The following PLCH1 variants were observed in gnomAD, a reference collection of about 807,000 sequenced individuals.
The protein encoded by PLCH1 is 1-phosphatidylinositol 4,5-bisphosphate phosphodiesterase eta-1.
A neutral mutation model predicts 126.7 loss-of-function variants in PLCH1; 60 were observed. The observed-to-expected ratio is 0.47, with a 90% confidence interval of 0.38 to 0.59. The LOEUF (loss-of-function observed/expected upper bound fraction) is 0.59, where lower values mean the gene tolerates loss of function less well. PLCH1 is among the 20% of genes least tolerant of loss of function. PLCH1 has a pLI of 0.00. For missense variants in PLCH1, 1,723 were observed against 2,040.0 expected (o/e 0.84, Z 2.99); for synonymous variants, 719 against 734.9 (o/e 0.98, Z 0.35).
intron 21 of PLCH1, among the ~76,000 whole-genome samples, chr3:155,464,747 A>G (rs1271369273): frequency 6.6e-6 from 1 of 152,182 alleles, no homozygotes; most frequent in African/African-American, 2.4e-5. Context: ...TTATTAGGCA[A>G]TCTCCAAATG....
intron 2 of PLCH1, among the ~76,000 whole-genome samples, chr3:155,647,667 C>T (rs1376410323): frequency 6.6e-6 from 1 of 151,932 alleles, no homozygotes; most frequent in East Asian, 1.9e-4. Flanking sequence ...TGTCCTTCAC[C>T]CTCACTCTAA....
intron 2 of PLCH1, among the ~76,000 whole-genome samples, chr3:155,639,322 G>T (rs1164707135): frequency 1.3e-5 from 2 of 152,122 alleles, no homozygotes; most frequent in Non-Finnish European, 2.9e-5. Flanking sequence ...TTAGCCTGGA[G>T]TGGTGGTGCA....
chr3:155,630,373 C>T (rs1382228054), intron 2 of PLCH1, among the ~76,000 whole-genome samples: 1 of 152,190 alleles, frequency 6.6e-6, no homozygotes, highest in African/African-American at 2.4e-5. Context: ...ATTTGTGTTA[C>T]TTGTGCTAAT....
chr3:155,676,638 A>G (rs571054910), intron 2 of PLCH1, among the ~76,000 whole-genome samples: 1 of 152,292 alleles, frequency 6.6e-6, no homozygotes, highest in South Asian at 2.1e-4. Flanking sequence ...GAAATAAGCT[A>G]CGACTGCCCT....
At chr3:155,616,376 G>A (rs924165402) in intron 2 of PLCH1, among the ~76,000 whole-genome samples, 4 of 152,088 alleles carry the variant, frequency 2.6e-5, no homozygotes, top group East Asian at 3.9e-4. Context: ...TGAGCAAGAC[G>A]ACTAAAATTA....
intron 19 of PLCH1, among the ~76,000 whole-genome samples, chr3:155,490,525 T>C (rs1374322163): frequency 6.6e-6 from 1 of 152,162 alleles, no homozygotes; most frequent in Non-Finnish European, 1.5e-5. Context: ...CTTTAAAATA[T>C]CATTTACTCT....
At chr3:155,607,441 A>C (rs1734506458) in intron 2 of PLCH1, among the ~76,000 whole-genome samples, 1 of 152,062 alleles carries the variant, frequency 6.6e-6, no homozygotes, top group Non-Finnish European at 1.5e-5. Context: ...AAATAAATAC[A>C]ATGTTTATTT....
chr3:155,605,206 C>T (rs950310870), intron 2 of PLCH1, among the ~76,000 whole-genome samples: 3 of 152,080 alleles, frequency 2.0e-5, no homozygotes, highest in Non-Finnish European at 4.4e-5. Context: ...AGGTTCACAT[C>T]GGTGACTAGT....
chr3:155,566,100 A>AATAT (rs1384860993), intron 7 of PLCH1, among the ~76,000 whole-genome samples: 1 of 74,300 alleles, frequency 1.3e-5, no homozygotes, highest in African/African-American at 4.1e-5. Context: ...AATATAACCT[A>AATAT]ATATATATAT....
At chr3:155,478,244 G>T (rs1285914434), downstream of PLCH1, among the ~76,000 whole-genome samples, 2 of 152,140 alleles carry the variant, frequency 1.3e-5, no homozygotes, top group African/African-American at 4.8e-5. Context: ...CATAGGCTGG[G>T]AAGTGTAGTG....
intron 8 of PLCH1, among the ~76,000 whole-genome samples, chr3:155,561,462 C>T (rs1454481736): frequency 1.3e-5 from 2 of 151,690 alleles, no homozygotes; most frequent in African/African-American, 4.8e-5. Flanking sequence ...AGGACATGAA[C>T]TCATCATTTT....
intron 1 of PLCH1, among the ~76,000 whole-genome samples, chr3:155,708,782 T>A (rs1404835068): frequency 6.6e-6 from 1 of 152,222 alleles, no homozygotes; most frequent in African/African-American, 2.4e-5. Context: ...CTAAGAGGTC[T>A]AGGTAATATA....
Position 155,673,849 on chromosome 3 carries a change from T to C in PLCH1, c.79+30297A>G, listed in dbSNP as rs115681358. Among the ~76,000 whole-genome samples, 787 of 152,332 alleles carry C rather than the reference T, an allele frequency of 5.2e-3. 8 individuals carry two copies. The highest frequency in any genetic ancestry group is 0.018 in the African/African-American group (743 of 41,588). The stretch of plus-strand genomic sequence containing the variant: ...CATGGGGGAAATTAGTAGCAGATGG[T>C]ACCAAAGTTCTAGGTCAAAGTGTAT... On this transcript the variant is annotated intron_variant, in intron 2 of 22. Transcript: ENST00000460012.
At position 155,715,606 on chromosome 3, in the gene PLCH1, C is replaced by CTTT. The variant is rs763813354; in HGVS notation, c.-40-11345_-40-11343dup. On this transcript the variant is annotated intron_variant, in intron 1 of 22. Coordinates refer to ENST00000460012, the MANE Select transcript of PLCH1 (RefSeq NM_014996.4). ...AGGAATGAGCCACCACATCTGGCCTCTTTTTTTTTTTTTTTTTTTTTTAAG... is the reference window on the plus strand; with the variant it reads ...AGGAATGAGCCACCACATCTGGCCTCTTTTTTTTTTTTTTTTTTTTTTTTTAAG... Among the ~76,000 whole-genome samples, 212 of 122,730 alleles carry CTTT rather than the reference C, an allele frequency of 1.7e-3. 1 individual carries two copies. The highest frequency in any genetic ancestry group is 4.9e-3 in the South Asian group (18 of 3,652). The allele number at this position is 122,730 out of a possible 152,430, so 80.5% of individuals were successfully genotyped here.
rs200299680 is a variant in PLCH1, at chr3:155,485,483, C to T, written c.2847G>A (p.Leu949=). ...SEATRDQDGV[L]RRTTRSLQAR... is the part of the protein sequence containing the mutation. ...CTTGCAAACTGCGTGTGGTCCTCCT[C>T]AGCACGCCATCTTGATCTCTTGTGG... Residue 949 remains leucine (L), a synonymous_variant, in exon 22 of 23, where the codon CTG becomes CTA. Transcript: ENST00000460012. 1.6e-4 allele frequency: 265 copies of T among 1,614,188 alleles called. 1 individual carries two copies. The South Asian group carries it at 1.8e-3, about 11-fold the overall frequency.
chr3:155,576,398 G>T (rs879826741), intron 6 of PLCH1, among the ~76,000 whole-genome samples: 1 of 152,136 alleles, frequency 6.6e-6, no homozygotes, highest in Non-Finnish European at 1.5e-5. Flanking sequence ...CTTCCTCATG[G>T]TTATAAAAGA....
chr3:155,604,005 G>A (rs1055940115), intron 2 of PLCH1, among the ~76,000 whole-genome samples: 16 of 152,190 alleles, frequency 1.1e-4, no homozygotes, highest in African/African-American at 2.6e-4. Context: ...AGGCTAAGAC[G>A]AGAGGCTCTC....
At chr3:155,679,026 G>A (rs1368910819) in intron 2 of PLCH1, among the ~76,000 whole-genome samples, 1 of 152,196 alleles carries the variant, frequency 6.6e-6, no homozygotes, top group Non-Finnish European at 1.5e-5. Flanking sequence ...ATCATAAAGT[G>A]TAATAGGTAA....
At chr3:155,571,006 A>G (rs1408561548) in intron 6 of PLCH1, among the ~76,000 whole-genome samples, 1 of 152,134 alleles carries the variant, frequency 6.6e-6, no homozygotes, top group African/African-American at 2.4e-5. Context: ...TGGTCCTCAC[A>G]TTAAAGGACA....
Sources: gnomAD v4.1 joint callset for allele counts (sites outside exome capture counted in the v4.1 genomes callset) on GRCh38, gnomAD v4.1.1 for gene constraint, MANE v1.5 for transcripts, NCBI Gene and HGNC (gene_info 2026-07-23, HGNC 2026-07-21) for gene names.